MEGF11: variants seen among roughly 807,000 people sequenced by gnomAD.
MEGF11 encodes the protein multiple EGF like domains 11.
In MEGF11, 126 loss-of-function variants were observed where a neutral mutation model predicts 146.6. That is an observed-to-expected ratio of 0.86 (90% CI 0.74 to 1.00). The LOEUF (loss-of-function observed/expected upper bound fraction) is 1.00. Among genes scored for constraint, MEGF11 ranks in the 50% least tolerant of loss-of-function variants. The pLI, the probability that MEGF11 is intolerant of heterozygous loss-of-function variation, is 0.00. For missense variants in MEGF11, 1,509 were observed against 1,521.2 expected (o/e 0.99, Z 0.13); for synonymous variants, 532 against 583.4 (o/e 0.91, Z 1.27).
At chr15:65,901,256 C>T (rs1488288839) in intron 24 of MEGF11, among the ~76,000 whole-genome samples, 1 of 152,154 alleles carries the variant, frequency 6.6e-6, no homozygotes, top group Admixed American at 6.5e-5. Flanking sequence ...CAATAAGGCA[C>T]AGAGCTTCTG....
In MEGF11 at chr15:66,123,509, C is replaced by T. The variant is rs1378951689; in HGVS notation, c.200+390G>A. On this transcript the variant is annotated intron_variant, in intron 3 of 25. Coordinates refer to ENST00000395614, the MANE Select transcript of MEGF11 (RefSeq NM_001385028.1). ...GAAAAGTGAGACAGGGAAGTAAAGG[C>T]AGCCAATCTATGGTATATTATTGAG... Among the ~76,000 whole-genome samples, 5 of 152,188 alleles carry T rather than the reference C, an allele frequency of 3.3e-5. 1 individual carries two copies. Among genetic ancestry groups the T allele is most frequent in the Admixed American group, 3.3e-4 (5 of 15,284 alleles).
In MEGF11 at chr15:65,957,614, C is replaced by G. The variant is rs1198451900; in HGVS notation, c.1220G>C (p.Cys407Ser). Residue 407 changes from cysteine to serine, a missense_variant, in exon 10 of 26, where the codon TGC becomes TCC. Cys to Ser is a moderately radical substitution (Grantham distance 112). Coordinates refer to ENST00000395614, the MANE Select transcript of MEGF11 (RefSeq NM_001385028.1). ...GCAGTCGGCGCCATTCTGACAGGTG[C>G]AAGGCAGCTGGCAGCCATCGCCATA... is the stretch of plus-strand genomic sequence containing the variant. ...GYYGDGCQLP[C>S]TCQNGADCHS... is the part of the protein sequence containing the mutation. 5.6e-6 allele frequency: 9 copies of G among 1,613,978 alleles called. No individual in the cohort carries two copies. The highest frequency in any genetic ancestry group is 7.6e-6 in the Non-Finnish European group (9 of 1,179,890).
At position 66,147,578 on chromosome 15, in the gene MEGF11, G is replaced by A. The variant is rs541859237; in HGVS notation, c.-8-19167C>T. Among the ~76,000 whole-genome samples the A allele has an allele frequency of 5.1e-4, 77 of 152,366 alleles. 4 individuals are homozygous for A. The South Asian group carries it at 0.015, about 30-fold the overall frequency. ...ATGCTGAGACCTGAAGGAGGCAGAT[G>A]TGCTAACCAGGTAGGGCAACAGTGC... On this transcript the variant is annotated intron_variant, in intron 1 of 25. Transcript: ENST00000395614.
intron 9 of MEGF11, among the ~76,000 whole-genome samples, chr15:65,963,437 TCTC>T (rs1333461406): frequency 6.6e-6 from 1 of 152,210 alleles, no homozygotes; most frequent in African/African-American, 2.4e-5. Context: ...AAGATGTACT[TCTC>T]CTCTACATTT....
intron 5 of MEGF11, among the ~76,000 whole-genome samples, chr15:66,029,539 T>C (rs2083447050): frequency 6.6e-6 from 1 of 152,192 alleles, no homozygotes; most frequent in Admixed American, 6.5e-5. Flanking sequence ...TACTGAAACC[T>C]CTTTACAGCA....
At chr15:66,152,939 G>A (rs115245022) in intron 1 of MEGF11, among the ~76,000 whole-genome samples, 8,161 of 152,288 alleles carry the variant, frequency 0.054, 299 homozygotes, top group African/African-American at 0.086. Flanking sequence ...CCTGGGCCTT[G>A]TGTGTACTGC....
At chr15:66,071,387 A>G (rs1444862871) in intron 5 of MEGF11, among the ~76,000 whole-genome samples, 1 of 152,308 alleles carries the variant, frequency 6.6e-6, no homozygotes, top group East Asian at 1.9e-4. Flanking sequence ...ATGGGAAGCC[A>G]CTGTATTTCT....
chr15:66,222,855 T>C (rs572490720), intron 1 of MEGF11, among the ~76,000 whole-genome samples: 1 of 152,318 alleles, frequency 6.6e-6, no homozygotes, highest in South Asian at 2.1e-4. Flanking sequence ...CTGATGAGGA[T>C]GTGGAGAAAT....
intron 10 of MEGF11, among the ~76,000 whole-genome samples, chr15:65,933,933 G>A (rs545686142): frequency 2.0e-5 from 3 of 152,304 alleles, no homozygotes; most frequent in Admixed American, 2.0e-4. Flanking sequence ...AGTGCCTGAT[G>A]GGTAGAAAGC....
At position 65,911,927 on chromosome 15, in the gene MEGF11, G is replaced by A. The variant is rs569282168; in HGVS notation, c.2829+155C>T. Among the ~76,000 whole-genome samples the A allele has an allele frequency of 3.9e-5, 6 of 152,326 alleles. No individual in the cohort carries two copies. The East Asian group carries it at 5.8e-4, about 15-fold the overall frequency. ...ATTACATGCCTCACAGAGTGTTTAC[G>A]TGTACCACGGATTGCAAGGTTGCTT... On this transcript the variant is annotated intron_variant, in intron 21 of 25. Coordinates refer to ENST00000395614, the MANE Select transcript of MEGF11 (RefSeq NM_001385028.1).
intron 1 of MEGF11, among the ~76,000 whole-genome samples, chr15:66,241,671 T>C (rs530350688): frequency 1.3e-5 from 2 of 152,162 alleles, no homozygotes; most frequent in Non-Finnish European, 2.9e-5. Context: ...TCCTGTGCAC[T>C]GTGAAGCTTC....
intron 5 of MEGF11, among the ~76,000 whole-genome samples, chr15:66,008,404 C>T (rs1253052339): frequency 1.0e-3 from 3 of 2,982 alleles, no homozygotes; most frequent in Non-Finnish European, 0.02. Flanking sequence ...CATGCACACG[C>T]GCGCGCGCAC....
intron 10 of MEGF11, among the ~76,000 whole-genome samples, chr15:65,956,927 G>A (rs1479934956): frequency 6.6e-6 from 1 of 151,938 alleles, no homozygotes; most frequent in Non-Finnish European, 1.5e-5. Flanking sequence ...TAGATTTATA[G>A]AACACTTGAG....
chr15:66,115,200 G>A (rs1412992757), intron 4 of MEGF11, among the ~76,000 whole-genome samples: 2 of 152,244 alleles, frequency 1.3e-5, no homozygotes, highest in African/African-American at 4.8e-5. Flanking sequence ...GGCATCCGAT[G>A]GGTTCTCACC....
intron 1 of MEGF11, among the ~76,000 whole-genome samples, chr15:66,207,821 G>A (rs1049203518): frequency 1.3e-5 from 2 of 152,142 alleles, no homozygotes; most frequent in Non-Finnish European, 2.9e-5. Flanking sequence ...GGTGGCTCAC[G>A]CCTGTAGTCC....
intron 24 of MEGF11, 131 bp downstream of exon 24, chr15:65,905,954 G>T: frequency 1.6e-6 from 1 of 628,142 alleles, no homozygotes; most frequent in Non-Finnish European, 2.7e-6. Flanking sequence ...CCCAGGCCCT[G>T]TGGTCTTTTA....
At chr15:66,241,659 G>T (rs977374056) in intron 1 of MEGF11, among the ~76,000 whole-genome samples, 3 of 152,120 alleles carry the variant, frequency 2.0e-5, no homozygotes, top group African/African-American at 7.2e-5. Flanking sequence ...CAGGTCCAGG[G>T]CTCCTGTGCA....
At chr15:66,235,672 C>G (rs2092073946) in intron 1 of MEGF11, among the ~76,000 whole-genome samples, 1 of 152,110 alleles carries the variant, frequency 6.6e-6, no homozygotes, top group African/African-American at 2.4e-5. Context: ...TCCAGGCACT[C>G]AGAGCAGTGA....
intron 11 of MEGF11, among the ~76,000 whole-genome samples, 200 bp from the exon 12 acceptor site, chr15:65,930,083 C>G (rs2079519673): frequency 6.6e-6 from 1 of 152,226 alleles, no homozygotes; most frequent in African/African-American, 2.4e-5. Flanking sequence ...GGTCTCCTGC[C>G]TCCGGGTGCT....
Sources: allele counts gnomAD v4.1 joint callset (sites outside exome capture counted in the v4.1 genomes callset), GRCh38; gene constraint gnomAD v4.1.1; transcripts MANE v1.5; gene names NCBI Gene and HGNC (gene_info 2026-07-23, HGNC 2026-07-21).